LPP: variants seen among roughly 807,000 people sequenced by gnomAD.
The protein encoded by LPP is lipoma-preferred partner.
Under a neutral mutation model 60.4 loss-of-function variants are expected in LPP, and 38 were observed. The observed-to-expected ratio is 0.63, with a 90% CI of 0.49 to 0.83. The LOEUF (loss-of-function observed/expected upper bound fraction) is 0.83. Among genes scored for constraint, LPP ranks in the 40% least tolerant of loss-of-function variants. The pLI, the probability that LPP is intolerant of heterozygous loss-of-function variation, is 0.00. For synonymous variants in LPP, 328 were observed against 290.8 expected (o/e 1.13, Z -1.30); for missense variants, 902 against 783.6 (o/e 1.15, Z -1.80).
intron 7 of LPP, among the ~76,000 whole-genome samples, chr3:188,657,344 T>A (rs1853520604): frequency 6.7e-6 from 1 of 149,238 alleles, no homozygotes; most frequent in Non-Finnish European, 1.5e-5. Context: ...GGATAAAAAA[T>A]GTATAAAAAA....
chr3:188,268,605 G>A (rs2149766795), intron 2 of LPP, among the ~76,000 whole-genome samples: 1 of 152,312 alleles, frequency 6.6e-6, no homozygotes, highest in South Asian at 2.1e-4. Flanking sequence ...GTTGCATCCT[G>A]TTTACACATC....
At chr3:188,203,014 G>A (rs949236888) in intron 1 of LPP, among the ~76,000 whole-genome samples, 1 of 148,000 alleles carries the variant, frequency 6.8e-6, no homozygotes, top group Admixed American at 6.8e-5. Context: ...CTGGCAAAAA[G>A]AAGGAAAGAG....
chr3:188,451,652 G>C (rs964724599), intron 4 of LPP, among the ~76,000 whole-genome samples: 3 of 152,164 alleles, frequency 2.0e-5, no homozygotes, highest in Non-Finnish European at 4.4e-5. Context: ...GCTACAAAGG[G>C]AAAGGAGAAG....
At chr3:188,528,727 A>G (rs1821349980) in intron 6 of LPP, among the ~76,000 whole-genome samples, 1 of 152,130 alleles carries the variant, frequency 6.6e-6, no homozygotes, top group South Asian at 2.1e-4. Context: ...CTCCTTGGCC[A>G]TATGTTTGAG....
chr3:188,463,497 C>T (rs561965696), intron 4 of LPP, among the ~76,000 whole-genome samples: 2 of 152,140 alleles, frequency 1.3e-5, no homozygotes, highest in Non-Finnish European at 2.9e-5. Context: ...ATTATATCTG[C>T]GTGCACGGTT....
chr3:188,604,110 A>C (rs550060376), intron 6 of LPP, among the ~76,000 whole-genome samples: 1 of 152,042 alleles, frequency 6.6e-6, no homozygotes, highest in South Asian at 2.1e-4. Flanking sequence ...CATCACACTA[A>C]ATTTTGCCCC....
At position 188,261,755 on chromosome 3, in the gene LPP, A is replaced by T. The variant is rs566831699; in HGVS notation, c.-67+36228A>T. On this transcript the variant is annotated intron_variant, in intron 2 of 11. Coordinates refer to ENST00000617246, the MANE Select transcript of LPP (RefSeq NM_001375462.1). ...AGACCCTGTCTCTCCAAAAAAAAAA[A>T]AAATATATATTAGCTAGATGTGGTG... 1.1e-3 allele frequency among the ~76,000 whole-genome samples: 168 copies of T among 151,160 alleles called. 2 individuals are homozygous for T. The highest frequency in any genetic ancestry group is 7.1e-3 in the Admixed American group (108 of 15,174).
intron 7 of LPP, among the ~76,000 whole-genome samples, chr3:188,677,964 A>G (rs1858500075): frequency 1.3e-5 from 2 of 152,192 alleles, no homozygotes; most frequent in Admixed American, 1.3e-4. Context: ...GCCCTGGAAT[A>G]GCCCAAACAT....
At chr3:188,175,033 G>T (rs1577109425) in intron 1 of LPP, among the ~76,000 whole-genome samples, 1 of 152,160 alleles carries the variant, frequency 6.6e-6, no homozygotes, top group African/African-American at 2.4e-5. Context: ...GGATGGACAG[G>T]TTTGACACTG....
intron 3 of LPP, among the ~76,000 whole-genome samples, chr3:188,385,927 C>T (rs1396491333): frequency 6.6e-6 from 1 of 152,078 alleles, no homozygotes; most frequent in African/African-American, 2.4e-5. Flanking sequence ...CATTTAACCC[C>T]AAAATTATCT....
intron 2 of LPP, among the ~76,000 whole-genome samples, chr3:188,302,657 C>T (rs1750282914): frequency 6.6e-6 from 1 of 152,142 alleles, no homozygotes; most frequent in African/African-American, 2.4e-5. Flanking sequence ...ACAAGATGCA[C>T]CTTATGAAGC....
chr3:188,786,549 C>T (rs1481463515), intron 9 of LPP, among the ~76,000 whole-genome samples: 1 of 152,038 alleles, frequency 6.6e-6, no homozygotes, highest in Non-Finnish European at 1.5e-5. Context: ...CTGCAACTAC[C>T]ATGTGACCCA....
At chr3:188,184,418 G>C (rs751983302) in intron 1 of LPP, among the ~76,000 whole-genome samples, 8 of 152,192 alleles carry the variant, frequency 5.3e-5, no homozygotes, top group Non-Finnish European at 1.2e-4. Context: ...CAGGGAGTGT[G>C]GGGAGAGAGA....
intron 7 of LPP, among the ~76,000 whole-genome samples, chr3:188,633,955 A>C (rs1383995180): frequency 6.6e-6 from 1 of 152,154 alleles, no homozygotes; most frequent in African/African-American, 2.4e-5. Context: ...CCATGGAACT[A>C]TCAGATAAAA....
Position 188,807,510 on chromosome 3 carries a change from C to T in LPP, c.1410+47228C>T, listed in dbSNP as rs545748675. 1.1e-4 allele frequency among the ~76,000 whole-genome samples: 16 copies of T among 151,994 alleles called. No individual in the cohort carries two copies. In the South Asian group the frequency reaches 3.1e-3, roughly 30 times the overall value. On this transcript the variant is annotated intron_variant, in intron 9 of 11. Coordinates refer to ENST00000617246, the MANE Select transcript of LPP (RefSeq NM_001375462.1). ...TTCTCTTTGGAGTTCTAACTACATA[C>T]AGGCTTAATATTTTTCTATAATTCT...
intron 8 of LPP, among the ~76,000 whole-genome samples, chr3:188,745,587 A>G (rs1198261655): frequency 1.3e-5 from 2 of 152,268 alleles, no homozygotes; most frequent in Non-Finnish European, 2.9e-5. Flanking sequence ...CTTCTACCTC[A>G]AGTCTTTTGA....
intron 3 of LPP, among the ~76,000 whole-genome samples, chr3:188,394,551 AGT>A (rs1209092729): frequency 0.03 from 4,336 of 146,972 alleles, 58 homozygotes; most frequent in Middle Eastern, 0.038. Context: ...AAATATCTAA[AGT>A]GTGTGTGTGT....
chr3:188,691,955 T>C (rs764125214), intron 7 of LPP, among the ~76,000 whole-genome samples: 1 of 152,182 alleles, frequency 6.6e-6, no homozygotes, highest in South Asian at 2.1e-4. Context: ...CAGCTAAGCT[T>C]TTATGTAAAG....
At chr3:188,656,199 G>GAA (rs67731158) in intron 7 of LPP, among the ~76,000 whole-genome samples, 87 of 134,920 alleles carry the variant, frequency 6.4e-4, no homozygotes, top group African/African-American at 2.3e-3. Flanking sequence ...TCTCCAAAAG[G>GAA]AAAAAAAAAA....
Sources: gnomAD v4.1 joint callset for allele counts (sites outside exome capture counted in the v4.1 genomes callset) on GRCh38, gnomAD v4.1.1 for gene constraint, MANE v1.5 for transcripts, NCBI Gene and HGNC (gene_info 2026-07-23, HGNC 2026-07-21) for gene names.